The following OPCML variants were observed in gnomAD, a reference collection of about 807,000 sequenced individuals.
The protein encoded by OPCML is opioid-binding protein/cell adhesion molecule.
In OPCML, 13 loss-of-function variants were observed where a neutral mutation model predicts 37.8. That is an observed-to-expected ratio of 0.34 (90% confidence interval 0.22 to 0.55). The LOEUF is 0.55. Ranked by LOEUF, OPCML falls within the 20% of genes least tolerant of loss-of-function variation. The pLI, the probability that OPCML is intolerant of heterozygous loss-of-function variation, is 0.91. For missense variants in OPCML, 341 were observed against 435.6 expected, an observed-to-expected ratio of 0.78 and a Z score of 1.93; for synonymous variants, 176 against 168.8, an observed-to-expected ratio of 1.04 and a Z score of -0.33.
chr11:133,277,033 A>G (rs1433702068), intron 1 of OPCML, among the ~76,000 whole-genome samples: 1 of 152,160 alleles, frequency 6.6e-6, no homozygotes, highest in African/African-American at 2.4e-5. Context: ...TTAGCCACAA[A>G]CATATTCTAC....
At chr11:132,828,777 ATG>A (rs1359708518) in intron 2 of OPCML, among the ~76,000 whole-genome samples, 2 of 152,176 alleles carry the variant, frequency 1.3e-5, no homozygotes, top group Non-Finnish European at 2.9e-5. Context: ...TAGAAGATCT[ATG>A]TGTTATTGAG....
At chr11:132,954,720 G>A (rs1213685360) in intron 1 of OPCML, among the ~76,000 whole-genome samples, 1 of 152,174 alleles carries the variant, frequency 6.6e-6, no homozygotes, top group Non-Finnish European at 1.5e-5. Context: ...CATGGGAGCT[G>A]AAGCCCTGGG....
At chr11:132,640,280 G>A (rs1233911298) in intron 3 of OPCML, among the ~76,000 whole-genome samples, 2 of 152,122 alleles carry the variant, frequency 1.3e-5, no homozygotes, top group African/African-American at 2.4e-5. Context: ...ATCAGTGCGT[G>A]GCTTGGTAGG....
In OPCML at chr11:132,603,675, C is replaced by T. The variant is rs573215321; in HGVS notation, c.379+53412G>A. Among the ~76,000 whole-genome samples, 353 of 152,318 alleles carry T rather than the reference C, an allele frequency of 2.3e-3. 1 individual carries two copies. Among genetic ancestry groups the T allele is most frequent in the African/African-American group, 8.1e-3 (338 of 41,572 alleles). ...TATCATCTGAAGGATAACATCAAAA[C>T]TTATCATAGTGTATAAATGGTGCAT... On this transcript the variant is annotated intron_variant, in intron 3 of 7. Coordinates refer to ENST00000524381, the MANE Select transcript of OPCML (RefSeq NM_001012393.5).
At chr11:132,729,570 G>C (rs1300249798) in intron 2 of OPCML, among the ~76,000 whole-genome samples, 1 of 152,140 alleles carries the variant, frequency 6.6e-6, no homozygotes, top group Non-Finnish European at 1.5e-5. Flanking sequence ...GCTCATCCAA[G>C]GTTCAGCAGC....
chr11:133,062,469 TATC>T (rs1193548100), intron 1 of OPCML, among the ~76,000 whole-genome samples: 11 of 152,220 alleles, frequency 7.2e-5, no homozygotes, highest in Admixed American at 7.2e-4. Flanking sequence ...TTGCAAATGA[TATC>T]ATTTAATAGA....
chr11:132,914,862 C>T (rs1028100507), intron 2 of OPCML, among the ~76,000 whole-genome samples: 3 of 152,236 alleles, frequency 2.0e-5, no homozygotes, highest in Admixed American at 1.3e-4. Context: ...GTGTGACTCT[C>T]AAGAAGCTCT....
chr11:133,056,268 C>T (rs1336975353), intron 1 of OPCML, among the ~76,000 whole-genome samples: 1 of 152,188 alleles, frequency 6.6e-6, no homozygotes, highest in East Asian at 1.9e-4. Context: ...ATTTCATAAA[C>T]TACTGTGTGG....
chr11:133,461,597 A>C (rs1273949623), intron 1 of OPCML, among the ~76,000 whole-genome samples: 4 of 151,912 alleles, frequency 2.6e-5, no homozygotes, highest in Non-Finnish European at 1.5e-5. Flanking sequence ...GAAGCAAAAA[A>C]CTTATACAGT....
chr11:133,011,918 A>G (rs1947225739), intron 1 of OPCML, among the ~76,000 whole-genome samples: 1 of 152,240 alleles, frequency 6.6e-6, no homozygotes, highest in Non-Finnish European at 1.5e-5. Context: ...TAGTGCTGCC[A>G]TTGTAGGTCA....
intron 1 of OPCML, among the ~76,000 whole-genome samples, chr11:133,295,889 A>G (rs982825909): frequency 3.3e-5 from 5 of 152,226 alleles, no homozygotes; most frequent in Admixed American, 3.3e-4. Flanking sequence ...GCTATATTTC[A>G]TATACATTTG....
chr11:132,569,548 G>T (rs994094090), intron 3 of OPCML, among the ~76,000 whole-genome samples: 1 of 152,040 alleles, frequency 6.6e-6, no homozygotes, highest in Admixed American at 6.5e-5. Flanking sequence ...TAATGGCTAA[G>T]AATTCTTCAG....
intron 1 of OPCML, among the ~76,000 whole-genome samples, chr11:133,518,687 G>T (rs929151369): frequency 6.7e-6 from 1 of 149,808 alleles, no homozygotes; most frequent in Non-Finnish European, 1.5e-5. Context: ...TGTGTGTGGG[G>T]CTGTGGCGTG....
intron 2 of OPCML, among the ~76,000 whole-genome samples, chr11:132,824,445 G>A (rs767803021): frequency 1.3e-5 from 2 of 152,056 alleles, no homozygotes; most frequent in East Asian, 1.9e-4. Context: ...ACACTGTAAC[G>A]GTACAGTTAG....
Position 132,523,022 on chromosome 11 carries a change from C to T in OPCML, c.505+6039G>A, listed in dbSNP as rs190362871. 1.5e-4 allele frequency among the ~76,000 whole-genome samples: 23 copies of T among 152,258 alleles called. No homozygotes were observed. The East Asian group carries it at 4.4e-3, about 29-fold the overall frequency. On this transcript the variant is annotated intron_variant, in intron 4 of 7. Transcript: ENST00000524381. ...CCTGATCTCGGCTCACTGCAACCTC[C>T]GCCTCCTGGGTTCAAGCGATTCTCC...
chr11:133,389,203 T>C (rs1271380934), intron 1 of OPCML, among the ~76,000 whole-genome samples: 1 of 152,200 alleles, frequency 6.6e-6, no homozygotes, highest in African/African-American at 2.4e-5. Context: ...CTACACCTGA[T>C]CATAAAATCT....
At chr11:133,202,287 A>G (rs914285091) in intron 1 of OPCML, among the ~76,000 whole-genome samples, 2 of 152,168 alleles carry the variant, frequency 1.3e-5, no homozygotes, top group African/African-American at 4.8e-5. Flanking sequence ...TGTCCGCCGA[A>G]CCCATCCTCC....
chr11:133,390,396 G>C, intron 1 of OPCML, among the ~76,000 whole-genome samples: 1 of 152,300 alleles, frequency 6.6e-6, no homozygotes, highest in African/African-American at 2.4e-5. Flanking sequence ...CCGGGAGGTG[G>C]AGCTTGCAGC....
chr11:133,438,657 G>C (rs2136932751), intron 1 of OPCML, among the ~76,000 whole-genome samples: 1 of 152,194 alleles, frequency 6.6e-6, no homozygotes, highest in Non-Finnish European at 1.5e-5. Context: ...TTTGGTTTTA[G>C]TGAGGTGACT....
Sources: gnomAD v4.1 joint callset for allele counts (sites outside exome capture counted in the v4.1 genomes callset) on GRCh38, gnomAD v4.1.1 for gene constraint, MANE v1.5 for transcripts, NCBI Gene and HGNC (gene_info 2026-07-23, HGNC 2026-07-21) for gene names.